Variants in ZSCAN5A observed in about 807,000 individuals in gnomAD.
ZSCAN5A encodes the protein zinc finger and SCAN domain-containing protein 5A.
In ZSCAN5A, 12 loss-of-function variants were observed where a neutral mutation model predicts 23.7. That is an observed-to-expected ratio of 0.51 (90% confidence interval 0.32 to 0.82). ZSCAN5A has a LOEUF of 0.82. Ranked by LOEUF, ZSCAN5A falls within the 40% of genes least tolerant of loss-of-function variation. ZSCAN5A has a pLI of 0.03. For synonymous variants in ZSCAN5A, 257 were observed against 239.9 expected, an observed-to-expected ratio of 1.07 and a Z score of -0.66; for missense variants, 597 against 617.9, an observed-to-expected ratio of 0.97 and a Z score of 0.36.
chr19:56,277,037 G>A (rs2038317936), intron 2 of ZSCAN5A, among the ~76,000 whole-genome samples: 1 of 152,164 alleles, frequency 6.6e-6, no homozygotes, highest in African/African-American at 2.4e-5. Context: ...GCCACAGTGA[G>A]GTATCACTTC....
chr19:56,355,822 C>A (rs2041697635), intron 2 of ZSCAN5A, among the ~76,000 whole-genome samples: 1 of 148,332 alleles, frequency 6.7e-6, no homozygotes, highest in African/African-American at 2.5e-5. Context: ...TATTAAGCAC[C>A]TATTATGGGT....
At chr19:56,245,422 G>T in intron 2 of ZSCAN5A, 3 of 674,640 alleles carry the variant, frequency 4.4e-6, no homozygotes, top group African/African-American at 1.8e-5. Context: ...TGTCCAGAAG[G>T]CAGGTGAGTG....
chr19:56,331,854 G>A (rs1296083438), intron 2 of ZSCAN5A, among the ~76,000 whole-genome samples: 1 of 151,946 alleles, frequency 6.6e-6, no homozygotes, highest in Non-Finnish European at 1.5e-5. Context: ...CCAAAGTGCT[G>A]GGATTACAGG....
At chr19:56,294,383 G>A (rs1401633685) in intron 2 of ZSCAN5A, among the ~76,000 whole-genome samples, 2 of 152,204 alleles carry the variant, frequency 1.3e-5, no homozygotes, top group African/African-American at 2.4e-5. Context: ...TAATGTGGGC[G>A]TAACTTACCC....
intron 2 of ZSCAN5A, among the ~76,000 whole-genome samples, chr19:56,262,153 G>T (rs2037168085): frequency 6.6e-6 from 1 of 151,784 alleles, no homozygotes; most frequent in Non-Finnish European, 1.5e-5. Flanking sequence ...GAGTAGCTGG[G>T]GTTACAGGCG....
intron 2 of ZSCAN5A, among the ~76,000 whole-genome samples, chr19:56,357,618 A>G (rs776504087): frequency 4.7e-5 from 7 of 148,152 alleles, no homozygotes; most frequent in African/African-American, 1.3e-4. Flanking sequence ...AGGACATTTG[A>G]TAAAAAAATT....
At chr19:56,244,073 C>A in intron 2 of ZSCAN5A, 1 of 1,202,446 alleles carries the variant, frequency 8.3e-7, no homozygotes, top group Non-Finnish European at 1.2e-6. Context: ...CTCATGGGGT[C>A]AGGGAGGACC....
At chr19:56,290,723 A>G (rs1436215552) in intron 2 of ZSCAN5A, among the ~76,000 whole-genome samples, 4 of 152,138 alleles carry the variant, frequency 2.6e-5, no homozygotes, top group Non-Finnish European at 5.9e-5. Flanking sequence ...AACAGTTTAA[A>G]ATAGTTTTAC....
rs2041672793 is a variant in ZSCAN5A, at chr19:56,352,339, G to A, written c.-358+10896C>T. On this transcript the variant is annotated intron_variant, in intron 2 of 6. Transcript: ENST00000587340. The surrounding 1 kb of genome is among the most constrained non-coding windows in gnomAD (Gnocchi z 4.2). Reference sequence around the variant, plus strand: ...AATGCAAATGAATGTGATTACTGGGGCACTGTAGAGACAGAGAGAGACATG... The same window carrying A: ...AATGCAAATGAATGTGATTACTGGGACACTGTAGAGACAGAGAGAGACATG... Among the ~76,000 whole-genome samples, 1 of 152,166 alleles carries A rather than the reference G, an allele frequency of 6.6e-6. No individual in the cohort carries two copies. Among genetic ancestry groups the A allele is most frequent in the African/African-American group, 2.4e-5 (1 of 41,438 alleles).
At chr19:56,337,262 C>T (rs940953709) in intron 2 of ZSCAN5A, among the ~76,000 whole-genome samples, 1 of 152,236 alleles carries the variant, frequency 6.6e-6, no homozygotes, top group Non-Finnish European at 1.5e-5. Flanking sequence ...CTTTATTTAC[C>T]TACTCAAGCC....
intron 2 of ZSCAN5A, among the ~76,000 whole-genome samples, chr19:56,231,283 A>ATTATTAGAC (rs2034440968): frequency 6.6e-6 from 1 of 152,180 alleles, no homozygotes; most frequent in Non-Finnish European, 1.5e-5. Flanking sequence ...TCATATGTCA[A>ATTATTAGAC]ATTATTAGAT....
chr19:56,340,166 AG>A (rs2041580212), intron 2 of ZSCAN5A, among the ~76,000 whole-genome samples: 1 of 152,140 alleles, frequency 6.6e-6, no homozygotes, highest in East Asian at 1.9e-4. Flanking sequence ...AACTGGACCT[AG>A]AAGGATGGTG....
intron 2 of ZSCAN5A, among the ~76,000 whole-genome samples, chr19:56,261,346 A>G (rs2037118565): frequency 6.6e-6 from 1 of 152,198 alleles, no homozygotes; most frequent in African/African-American, 2.4e-5. Context: ...GGGCTGTGAC[A>G]TTCCTAGAAC....
intron 2 of ZSCAN5A, among the ~76,000 whole-genome samples, chr19:56,330,416 T>C (rs1226311394): frequency 6.6e-6 from 1 of 152,236 alleles, no homozygotes; most frequent in Non-Finnish European, 1.5e-5. Flanking sequence ...CAAACTGCTT[T>C]TCATAGTGGC....
At chr19:56,357,503 C>G (rs2041706779) in intron 2 of ZSCAN5A, among the ~76,000 whole-genome samples, 1 of 148,012 alleles carries the variant, frequency 6.8e-6, no homozygotes, top group Admixed American at 6.7e-5. Context: ...TTCCTCTTCC[C>G]CAGCAACTAT....
chr19:56,328,177 T>G (rs2041453860), intron 2 of ZSCAN5A, among the ~76,000 whole-genome samples: 1 of 152,138 alleles, frequency 6.6e-6, no homozygotes, highest in Non-Finnish European at 1.5e-5. Context: ...TTTTGGTAGT[T>G]CATCATTTTA....
intron 2 of ZSCAN5A, among the ~76,000 whole-genome samples, chr19:56,353,121 G>T (rs1356795425): frequency 6.6e-6 from 1 of 152,202 alleles, no homozygotes; most frequent in East Asian, 1.9e-4. Flanking sequence ...CCGCATGGAT[G>T]AGGAGAAGGC....
At chr19:56,241,580 T>C (rs957332222) in intron 2 of ZSCAN5A, among the ~76,000 whole-genome samples, 1 of 152,230 alleles carries the variant, frequency 6.6e-6, no homozygotes, top group Non-Finnish European at 1.5e-5. Flanking sequence ...GTACTAATCA[T>C]TTTTGGCTGT....
chr19:56,324,903 CA>C (rs912907359), intron 2 of ZSCAN5A, among the ~76,000 whole-genome samples: 1 of 151,870 alleles, frequency 6.6e-6, no homozygotes. Context: ...TAGACAACCA[CA>C]AAAAAAAGTT....
Sources: allele counts gnomAD v4.1 joint callset (sites outside exome capture counted in the v4.1 genomes callset), GRCh38; gene constraint gnomAD v4.1.1; non-coding constraint Gnocchi (gnomAD v3.1); transcripts MANE v1.5; gene names NCBI Gene and HGNC (gene_info 2026-07-23, HGNC 2026-07-21).